The following SLC1A2 variants were observed in gnomAD, a reference collection of about 807,000 sequenced individuals.
SLC1A2 encodes solute carrier family 1 member 2.
A neutral mutation model predicts 48.8 loss-of-function variants in SLC1A2; 15 were observed. That is an observed-to-expected ratio of 0.31 (90% CI 0.21 to 0.47). The LOEUF (loss-of-function observed/expected upper bound fraction) is 0.47. SLC1A2 is among the 20% of genes least tolerant of loss of function. SLC1A2 has a pLI of 0.99. For synonymous variants in SLC1A2, 279 were observed against 272.6 expected (o/e 1.02, Z -0.23); for missense variants, 502 against 730.5 (o/e 0.69, Z 3.61).
chr11:35,395,633 G>T (rs929774557), intron 1 of SLC1A2, among the ~76,000 whole-genome samples: 1 of 151,946 alleles, frequency 6.6e-6, no homozygotes, highest in Non-Finnish European at 1.5e-5. Context: ...ACGCTAGGTG[G>T]GCTGCTACGG....
chr11:35,266,095 C>A (rs7941569), intron 9 of SLC1A2, among the ~76,000 whole-genome samples: 5,199 of 152,236 alleles, frequency 0.034, 270 homozygotes, highest in African/African-American at 0.12. Flanking sequence ...AATAATGTGT[C>A]CAAATCAGAA....
rs1950323800 is a variant in SLC1A2, at chr11:35,257,065, A to G, written c.*3829T>C. 6.6e-6 allele frequency: 1 copy of G among 152,206 alleles called. No individual in the cohort carries two copies. Among genetic ancestry groups the G allele is most frequent in the Admixed American group, 6.5e-5 (1 of 15,278 alleles). 9.4% of individuals were successfully genotyped at this position (152,206 alleles called of 1,614,324 possible). A position where few individuals can be genotyped will look rare whatever the true frequency, so the allele number is the denominator to read the frequency against. On this transcript the variant is annotated 3_prime_UTR_variant, in exon 11 of 11. Transcript: ENST00000278379. Reference sequence around the variant, plus strand: ...AGGGACGTGTAGTATTTGCAAAAACATGGCAGAATTGGGTTTCCTTTGGTG... The same window carrying G: ...AGGGACGTGTAGTATTTGCAAAAACGTGGCAGAATTGGGTTTCCTTTGGTG...
chr11:35,351,825 G>A (rs11033085), intron 1 of SLC1A2, among the ~76,000 whole-genome samples: 15,381 of 151,946 alleles, frequency 0.1, 933 homozygotes, highest in Middle Eastern at 0.15. Context: ...TAGTAGAGAC[G>A]GGGTTTCACC....
At chr11:35,383,136 T>A (rs925651850) in intron 1 of SLC1A2, among the ~76,000 whole-genome samples, 1 of 152,148 alleles carries the variant, frequency 6.6e-6, no homozygotes, top group Non-Finnish European at 1.5e-5. Context: ...AAACTGGTAG[T>A]GTATTAAAAG....
chr11:35,410,263 C>A (rs1855420518), intron 1 of SLC1A2, among the ~76,000 whole-genome samples: 1 of 152,082 alleles, frequency 6.6e-6, no homozygotes, highest in Admixed American at 6.5e-5. Context: ...ATTTTACATA[C>A]TTATCATTTT....
upstream of SLC1A2, chr11:35,419,998 G>A (rs1049282911): frequency 3.2e-5 from 15 of 464,104 alleles, no homozygotes; most frequent in Admixed American, 1.7e-4. This position sits in a 1 kb window ranked among gnomAD's most constrained non-coding sequence, Gnocchi z 5.4. Context: ...ACACGCGGGT[G>A]GTGCAGCCTA....
At chr11:35,366,008 G>A (rs769213470) in intron 1 of SLC1A2, among the ~76,000 whole-genome samples, 14 of 152,280 alleles carry the variant, frequency 9.2e-5, no homozygotes, top group South Asian at 2.1e-4. Flanking sequence ...AGTCCTCCAC[G>A]GCAAAGAATT....
chr11:35,302,636 T>A (rs1415672050), intron 5 of SLC1A2, among the ~76,000 whole-genome samples: 1 of 151,928 alleles, frequency 6.6e-6, no homozygotes. Context: ...GTGCCTGAGA[T>A]CCTGGGAATC....
At chr11:35,418,836 G>A (rs1378161577) in intron 1 of SLC1A2, 114 bp downstream of exon 1, 14 of 899,086 alleles carry the variant, frequency 1.6e-5, no homozygotes, top group Non-Finnish European at 2.3e-5. Context: ...CTACGGCTCC[G>A]CCACCACCTC....
In SLC1A2 at chr11:35,260,801, T is replaced by C. The variant is rs1290032393; in HGVS notation, c.*93A>G. ...TTAAGTAAACATAGAAATATACGCA[T>C]TTTTTTCCTTTTTAAAGAAAGCTTG... is the stretch of plus-strand genomic sequence containing the variant. On this transcript the variant is annotated 3_prime_UTR_variant, in exon 11 of 11. Coordinates refer to ENST00000278379, the MANE Select transcript of SLC1A2 (RefSeq NM_004171.4). The C allele has an allele frequency of 1.1e-6, 1 of 929,640 alleles. No homozygotes were observed. The highest frequency in any genetic ancestry group is 1.8e-6 in the Non-Finnish European group (1 of 569,110). 57.6% of individuals were successfully genotyped at this position (929,640 alleles called of 1,614,324 possible).
In SLC1A2 at chr11:35,332,044, G is replaced by C. The variant is rs549380390; in HGVS notation, c.18-14528C>G. Among the ~76,000 whole-genome samples, 5 of 152,268 alleles carry C rather than the reference G, an allele frequency of 3.3e-5. No homozygotes were observed. The South Asian group carries it at 1.0e-3, about 32-fold the overall frequency. ...GAGTGGCAGGACCTTATCAGCTTAA[G>C]CATCTCCCATGGAGATGGCTTTGGA... On this transcript the variant is annotated intron_variant, in intron 1 of 10. Transcript: ENST00000278379.
At chr11:35,303,610 A>C (rs1797787207) in intron 5 of SLC1A2, among the ~76,000 whole-genome samples, 1 of 152,206 alleles carries the variant, frequency 6.6e-6, no homozygotes, top group South Asian at 2.1e-4. Flanking sequence ...GGTTAATTTC[A>C]TTTGAAATTA....
chr11:35,317,510 G>A lies in SLC1A2; in HGVS notation c.24C>T (p.Asn8=), dbSNP rs1223875233. The change falls in exon 2 of 11, where the codon AAC becomes AAT. Residue 8 remains asparagine (N), a synonymous_variant. Coordinates refer to ENST00000278379, the MANE Select transcript of SLC1A2 (RefSeq NM_004171.4). ...GCACTTCCACCTGCTTGGGCATATT[G>A]TTGGCACTGGAACAGAAGTGAAGGC... The part of the protein sequence containing the change: MASTEGA[N]NMPKQVEVRM... The A allele has an allele frequency of 6.2e-7, 1 of 1,613,324 alleles. No individual in the cohort carries two copies. Among genetic ancestry groups the A allele is most frequent in the Non-Finnish European group, 8.5e-7 (1 of 1,179,934 alleles).
At chr11:35,336,306 T>A (rs1310503992) in intron 1 of SLC1A2, among the ~76,000 whole-genome samples, 2 of 152,108 alleles carry the variant, frequency 1.3e-5, no homozygotes, top group Non-Finnish European at 2.9e-5. Context: ...ATCCTGCACA[T>A]GTACCCCACA....
intron 1 of SLC1A2, among the ~76,000 whole-genome samples, chr11:35,412,260 G>C (rs890662524): frequency 1.3e-5 from 2 of 152,134 alleles, no homozygotes; most frequent in Non-Finnish European, 2.9e-5. Context: ...GATTTTCAAG[G>C]ATGAAATGAA....
In SLC1A2 at chr11:35,268,693, A is replaced by G. The variant is rs143875928; in HGVS notation, c.1422-2935T>C. Among the ~76,000 whole-genome samples, 805 of 152,088 alleles carry G rather than the reference A, an allele frequency of 5.3e-3. 6 individuals carry two copies. Among genetic ancestry groups the G allele is most frequent in the Non-Finnish European group, 8.2e-3 (559 of 67,972 alleles). ...AAAAAAAAGAAAGAAAGAAAAGAAA[A>G]CAAAGAATATACTTTATAGATACTA... On this transcript the variant is annotated intron_variant, in intron 9 of 10. Transcript: ENST00000278379.
At chr11:35,366,448 C>T (rs763278212) in intron 1 of SLC1A2, among the ~76,000 whole-genome samples, 13 of 152,320 alleles carry the variant, frequency 8.5e-5, no homozygotes, top group Non-Finnish European at 1.3e-4. Flanking sequence ...AGCCTTCAAC[C>T]CATGTCTGGA....
chr11:35,364,350 T>C (rs1178619605), intron 1 of SLC1A2, among the ~76,000 whole-genome samples: 3 of 152,252 alleles, frequency 2.0e-5, no homozygotes, highest in African/African-American at 4.8e-5. Context: ...CCAGCTCAGA[T>C]ACTGTGATTA....
chr11:35,305,112 C>T (rs570647031), intron 5 of SLC1A2, among the ~76,000 whole-genome samples: 11 of 152,274 alleles, frequency 7.2e-5, no homozygotes, highest in African/African-American at 2.2e-4. Flanking sequence ...TTTCCTGTCT[C>T]GGGGACACCA....
Sources: allele counts gnomAD v4.1 joint callset (sites outside exome capture counted in the v4.1 genomes callset), GRCh38; gene constraint gnomAD v4.1.1; non-coding constraint Gnocchi (gnomAD v3.1); transcripts MANE v1.5; gene names NCBI Gene and HGNC (gene_info 2026-07-23, HGNC 2026-07-21).